The following TMEM132C variants were observed in gnomAD, a reference collection of about 807,000 sequenced individuals.
TMEM132C encodes the protein transmembrane protein 132C.
In TMEM132C, 29 loss-of-function variants were observed where a neutral mutation model predicts 61.4. The ratio of observed to expected loss-of-function variants is 0.47; its 90% CI spans 0.35 to 0.64. TMEM132C has a LOEUF of 0.64. Among genes scored for constraint, TMEM132C ranks in the 30% least tolerant of loss-of-function variants. The pLI is 0.00. For missense variants in TMEM132C, 1,408 were observed against 1,476.9 expected (o/e 0.95, Z 0.76); for synonymous variants, 656 against 633.1 (o/e 1.04, Z -0.54).
intron 1 of TMEM132C, among the ~76,000 whole-genome samples, chr12:128,336,136 G>A (rs1329374281): frequency 6.6e-6 from 1 of 152,196 alleles, no homozygotes; most frequent in Non-Finnish European, 1.5e-5. Flanking sequence ...GGCAGTAAAT[G>A]TTTAAGTGAT....
Position 128,432,464 on chromosome 12 carries a change from G to A in TMEM132C, c.974+16844G>A, listed in dbSNP as rs546645796. Among the ~76,000 whole-genome samples the A allele has an allele frequency of 2.0e-5, 3 of 152,226 alleles. No individual in the cohort carries two copies. The East Asian group carries it at 5.8e-4, about 29-fold the overall frequency. ...GGAAGTCAAATATCAATATTAACAG[G>A]GTTTTAGAAGACGTTTGTCCCAGCA... On this transcript the variant is annotated intron_variant, in intron 2 of 8. Transcript: ENST00000435159.
chr12:128,686,267 G>A (rs913860893), intron 5 of TMEM132C, among the ~76,000 whole-genome samples: 1 of 152,198 alleles, frequency 6.6e-6, no homozygotes, highest in Non-Finnish European at 1.5e-5. Context: ...TCCCTGCCAA[G>A]GCTACACGTG....
intron 2 of TMEM132C, among the ~76,000 whole-genome samples, chr12:128,511,223 C>T (rs2125291): frequency 0.9 from 137,101 of 152,226 alleles, 63,386 homozygotes; most frequent in East Asian, 1. Flanking sequence ...GCAGCCCCCA[C>T]CCATGAATGC....
At chr12:128,603,791 C>T (rs969827813) in intron 3 of TMEM132C, among the ~76,000 whole-genome samples, 2 of 152,038 alleles carry the variant, frequency 1.3e-5, no homozygotes, top group Non-Finnish European at 2.9e-5. Context: ...TATTTCATAG[C>T]ATCATATAAA....
At chr12:128,461,394 ACT>A (rs796105713) in intron 2 of TMEM132C, among the ~76,000 whole-genome samples, 16 of 152,092 alleles carry the variant, frequency 1.1e-4, no homozygotes, top group African/African-American at 3.9e-4. Context: ...TTATTTTGAA[ACT>A]CTGTGTAGAT....
chr12:128,386,105 G>A (rs1003325579), intron 1 of TMEM132C, among the ~76,000 whole-genome samples: 1 of 152,092 alleles, frequency 6.6e-6, no homozygotes, highest in African/African-American at 2.4e-5. Flanking sequence ...TGTGTTATTC[G>A]GAATTTTATG....
At chr12:128,676,570 A>G (rs753753814) in intron 5 of TMEM132C, among the ~76,000 whole-genome samples, 3 of 152,200 alleles carry the variant, frequency 2.0e-5, no homozygotes, top group Non-Finnish European at 4.4e-5. Context: ...TTTCTTACAC[A>G]CATATACCCA....
chr12:128,371,207 T>G (rs1301121888), intron 1 of TMEM132C, among the ~76,000 whole-genome samples: 1 of 152,198 alleles, frequency 6.6e-6, no homozygotes, highest in Non-Finnish European at 1.5e-5. Flanking sequence ...TGGATAGTGT[T>G]GCCTGACCTA....
Position 128,342,047 on chromosome 12 carries a change from C to T in TMEM132C, c.86-72685C>T, listed in dbSNP as rs1486030901. On this transcript the variant is annotated intron_variant, in intron 1 of 8. Coordinates refer to ENST00000435159, the MANE Select transcript of TMEM132C (RefSeq NM_001136103.3). ...TCTTTGAGATGGAGTCTCGCTCTGT[C>T]GCCTATGCTGGAGTGCAGTGGCATG... Among the ~76,000 whole-genome samples the T allele has an allele frequency of 3.3e-5, 5 of 151,232 alleles. No individual in the cohort carries two copies. In the South Asian group the frequency reaches 6.3e-4, roughly 19 times the overall value.
In TMEM132C at chr12:128,697,425, C is replaced by T. The variant is rs1303844843; in HGVS notation, c.2121+10C>T. ...GCGGACCCCCAAACAGGTAGGGGGC[C>T]AAATGCCAGAGGTTCAGAGGGAGCA... On this transcript the variant is annotated intron_variant, in intron 8 of 8. Coordinates refer to ENST00000435159, the MANE Select transcript of TMEM132C (RefSeq NM_001136103.3). 6.6e-6 allele frequency: 10 copies of T among 1,524,588 alleles called. No homozygotes were observed. Among genetic ancestry groups the T allele is most frequent in the Admixed American group, 6.0e-5 (3 of 50,022 alleles). The allele number at this position is 1,524,588 out of a possible 1,614,324, so 94.4% of individuals were successfully genotyped here. A position where few individuals can be genotyped will look rare whatever the true frequency, so the allele number is the denominator to read the frequency against.
At chr12:128,677,407 A>T (rs998851641) in intron 5 of TMEM132C, among the ~76,000 whole-genome samples, 2 of 152,150 alleles carry the variant, frequency 1.3e-5, no homozygotes, top group Non-Finnish European at 2.9e-5. Flanking sequence ...GATAATAAGA[A>T]AATGCATGAG....
At chr12:128,283,244 TTC>T (rs1566041349) in intron 1 of TMEM132C, among the ~76,000 whole-genome samples, 1 of 152,212 alleles carries the variant, frequency 6.6e-6, no homozygotes, top group Non-Finnish European at 1.5e-5. Context: ...TTCTGTGTTG[TTC>T]TGACATGTCC....
chr12:128,680,046 C>CAGGATGAAGG (rs1461913504), intron 5 of TMEM132C, among the ~76,000 whole-genome samples: 1 of 152,046 alleles, frequency 6.6e-6, no homozygotes, highest in African/African-American at 2.4e-5. Flanking sequence ...AAAGAACAGC[C>CAGGATGAAGG]AGGATGAAGG....
At chr12:128,705,059 G>A (rs367969000) in intron 8 of TMEM132C, 31 bp from the exon 9 acceptor site, 1 of 1,490,610 alleles carries the variant, frequency 6.7e-7, no homozygotes, top group Admixed American at 2.2e-5. Flanking sequence ...GCATCCCCCA[G>A]GTGGTCTTCT....
chr12:128,668,183 G>A (rs1954497738), intron 4 of TMEM132C, among the ~76,000 whole-genome samples: 1 of 152,074 alleles, frequency 6.6e-6, no homozygotes, highest in African/African-American at 2.4e-5. Flanking sequence ...GGTAGGCCAA[G>A]GTGGGAGGAT....
chr12:128,422,215 T>C (rs771550311), intron 2 of TMEM132C, among the ~76,000 whole-genome samples: 1 of 152,182 alleles, frequency 6.6e-6, no homozygotes, highest in Non-Finnish European at 1.5e-5. Flanking sequence ...TGGGATGACT[T>C]CCACTGACTG....
At chr12:128,432,193 C>T (rs946699393) in intron 2 of TMEM132C, among the ~76,000 whole-genome samples, 7 of 152,232 alleles carry the variant, frequency 4.6e-5, no homozygotes, top group African/African-American at 1.7e-4. Flanking sequence ...ATGCTGTTTA[C>T]ATACCTGCTA....
At chr12:128,383,257 G>T (rs547393123) in intron 1 of TMEM132C, among the ~76,000 whole-genome samples, 1 of 152,102 alleles carries the variant, frequency 6.6e-6, no homozygotes, top group Non-Finnish European at 1.5e-5. Flanking sequence ...GTGTATATAC[G>T]TGCATGTCTG....
intron 2 of TMEM132C, among the ~76,000 whole-genome samples, chr12:128,539,667 A>G (rs995824508): frequency 6.6e-6 from 1 of 152,178 alleles, no homozygotes; most frequent in African/African-American, 2.4e-5. Context: ...CATAGGGTGG[A>G]TACAGAATTC....
Sources: allele counts gnomAD v4.1 joint callset (sites outside exome capture counted in the v4.1 genomes callset), GRCh38; gene constraint gnomAD v4.1.1; transcripts MANE v1.5; gene names NCBI Gene and HGNC (gene_info 2026-07-23, HGNC 2026-07-21).